The following KIAA1549 variants were observed in gnomAD, a reference collection of about 807,000 sequenced individuals.
The protein encoded by KIAA1549 is KIAA1549.
A neutral mutation model predicts 156.4 loss-of-function variants in KIAA1549; 70 were observed. The ratio of observed to expected loss-of-function variants is 0.45; its 90% CI spans 0.37 to 0.55. The LOEUF is 0.55. Ranked by LOEUF, KIAA1549 falls within the 20% of genes least tolerant of loss-of-function variation. The pLI is 0.00. For synonymous variants in KIAA1549, 1,103 were observed against 1,066.4 expected (o/e 1.03, Z -0.67); for missense variants, 2,428 against 2,540.9 (o/e 0.96, Z 0.96).
At chr7:138,948,609 C>T (rs1005051316) in intron 1 of KIAA1549, among the ~76,000 whole-genome samples, 1 of 151,896 alleles carries the variant, frequency 6.6e-6, no homozygotes, top group Non-Finnish European at 1.5e-5. Flanking sequence ...ATGAGGTTGA[C>T]CTCTCCCTAC....
In KIAA1549 at chr7:138,912,424, G is replaced by A. The variant is rs747771209; in HGVS notation, c.2915C>T (p.Thr972Ile). 1 of 1,613,856 alleles carries A rather than the reference G, an allele frequency of 6.2e-7. No individual in the cohort carries two copies. Among genetic ancestry groups the A allele is most frequent in the Non-Finnish European group, 8.5e-7 (1 of 1,179,846 alleles). The change falls in exon 3 of 20, where the codon ACA becomes ATA. Residue 972 changes from threonine to isoleucine, a missense_variant. Around this residue, in one of 5 missense-constraint regions of KIAA1549, gnomAD observed 762 missense variants for 901.6 expected, o/e 0.85. Transcript: ENST00000422774. ...AATCCTCAGTACTTCTTTGATTGCT[G>A]TAATGATGTACTCCTGCACAGCTCT... The part of the protein sequence containing the change: ...ARRAVQEYII[T>I]AIKEVLRIHF...
intron 18 of KIAA1549, among the ~76,000 whole-genome samples, chr7:138,841,212 G>C (rs1398795731): frequency 2.0e-5 from 3 of 152,100 alleles, no homozygotes; most frequent in Non-Finnish European, 4.4e-5. Context: ...GTGGCTTCGA[G>C]ATTCACAAGG....
Position 138,881,463 on chromosome 7 carries a change from G to A in KIAA1549, c.4154C>T (p.Thr1385Ile), listed in dbSNP as rs377071564. ...CACGTCTCCATTTTCCGAGGGCGTG[G>A]TGTGGTCCTTCAGAGGTCCTGGCAG... ...APLPGPLKDH[T>I]TPSENGDVPS... Residue 1385 changes from threonine to isoleucine, a missense_variant, in exon 11 of 20, where the codon ACC (threonine) becomes ATC (isoleucine). Around this residue, in one of 5 missense-constraint regions of KIAA1549, gnomAD observed 762 missense variants for 901.6 expected, o/e 0.85. Transcript: ENST00000422774. The A allele has an allele frequency of 1.8e-5, 29 of 1,613,922 alleles. No homozygotes were observed. The African/African-American group carries it at 3.9e-4, about 22-fold the overall frequency.
At position 138,917,897 on chromosome 7, in the gene KIAA1549, T is replaced by A; in HGVS notation, c.1729A>T (p.Asn577Tyr). 6.2e-7 allele frequency: 1 copy of A among 1,602,630 alleles called. No homozygotes were observed. Among genetic ancestry groups the A allele is most frequent in the Non-Finnish European group, 8.5e-7 (1 of 1,174,638 alleles). ...DSSFSVIANKNTPSLAVRDPS... is the reference protein window; with the variant it reads ...DSSFSVIANKYTPSLAVRDPS... ...TCTCTGACGGCAAGCGACGGTGTGTTTTTGTTTGCTATGACAGAGAAAGAT... is the reference window on the plus strand; with the variant it reads ...TCTCTGACGGCAAGCGACGGTGTGTATTTGTTTGCTATGACAGAGAAAGAT... The change falls in exon 2 of 20, where the codon AAC becomes TAC. Residue 577 changes from asparagine to tyrosine, a missense_variant. Physicochemically the swap from Asn to Tyr is moderately radical, Grantham distance 143 (BLOSUM62 -2). Transcript: ENST00000422774.
At chr7:138,876,265 T>TA (rs1303438672) in intron 12 of KIAA1549, 2 of 152,256 alleles carry the variant, frequency 1.3e-5, no homozygotes, top group Non-Finnish European at 2.9e-5. Flanking sequence ...AATCATTTTA[T>TA]AAATGGTACA....
intron 1 of KIAA1549, among the ~76,000 whole-genome samples, chr7:138,969,750 G>A (rs1814160378): frequency 2.0e-5 from 3 of 152,102 alleles, no homozygotes; most frequent in Admixed American, 1.3e-4. Context: ...GCACCACCAT[G>A]CCTGACTAAT....
In KIAA1549 at chr7:138,848,526, G is replaced by T. The variant is rs188963608; in HGVS notation, c.5294+3697C>A. Among the ~76,000 whole-genome samples the T allele has an allele frequency of 5.3e-5, 8 of 152,262 alleles. No individual in the cohort carries two copies. In the South Asian group the frequency reaches 1.0e-3, roughly 20 times the overall value. On this transcript the variant is annotated intron_variant, in intron 17 of 19. Coordinates refer to ENST00000422774, the MANE Select transcript of KIAA1549 (RefSeq NM_001164665.2). Reference sequence around the variant, plus strand: ...TGCTGGAAAGAAATCCAATGTGGTTGTAATATGAGATCCTTTTGTGTCTAC... The same window carrying T: ...TGCTGGAAAGAAATCCAATGTGGTTTTAATATGAGATCCTTTTGTGTCTAC...
At chr7:138,936,407 C>T (rs989173538) in intron 1 of KIAA1549, among the ~76,000 whole-genome samples, 3 of 152,148 alleles carry the variant, frequency 2.0e-5, no homozygotes, top group Non-Finnish European at 4.4e-5. Flanking sequence ...TCCTTCCCAC[C>T]GCCACCAATT....
At chr7:138,900,323 T>C (rs895824463) in intron 8 of KIAA1549, among the ~76,000 whole-genome samples, 7 of 152,206 alleles carry the variant, frequency 4.6e-5, no homozygotes, top group African/African-American at 1.7e-4. Context: ...ACTCCCTCCC[T>C]GACAACGGTA....
intron 19 of KIAA1549, among the ~76,000 whole-genome samples, chr7:138,839,463 T>C (rs1273698562): frequency 6.6e-6 from 1 of 152,122 alleles, no homozygotes; most frequent in African/African-American, 2.4e-5. Context: ...CAAAATTACC[T>C]ACACATGGTC....
At chr7:138,969,838 C>A (rs1814164432) in intron 1 of KIAA1549, among the ~76,000 whole-genome samples, 1 of 152,162 alleles carries the variant, frequency 6.6e-6, no homozygotes, top group African/African-American at 2.4e-5. Flanking sequence ...GGTGATCTGA[C>A]CACCTCAGCC....
At position 138,871,372 on chromosome 7, in the gene KIAA1549, A is replaced by C; in HGVS notation, c.4346-10T>G. 1 of 1,504,452 alleles carries C rather than the reference A, an allele frequency of 6.6e-7. No homozygotes were observed. The highest frequency in any genetic ancestry group is 8.9e-7 in the Non-Finnish European group (1 of 1,128,412). The allele number at this position is 1,504,452 out of a possible 1,614,324, so 93.2% of individuals were successfully genotyped here. On this transcript the variant is annotated splice_polypyrimidine_tract_variant and intron_variant, in intron 12 of 19. Coordinates refer to ENST00000422774, the MANE Select transcript of KIAA1549 (RefSeq NM_001164665.2). ...CTGGGCAGTGGTGGCCCTGGAACAG[A>C]AGGAAAAGCAAAACACATACACGAA... is the stretch of plus-strand genomic sequence containing the variant.
rs1046103177 is a variant in KIAA1549, at chr7:138,919,442, T to C, written c.188-4A>G. 1 of 1,610,446 alleles carries C rather than the reference T, an allele frequency of 6.2e-7. No individual in the cohort carries two copies. The highest frequency in any genetic ancestry group is 8.5e-7 in the Non-Finnish European group (1 of 1,177,956). On this transcript the variant is annotated splice_region_variant and splice_polypyrimidine_tract_variant and intron_variant, in intron 1 of 19. Transcript: ENST00000422774. ...TGCTGTTCCGGAGAGAGCTCATCTA[T>C]CAAGAAAATCAGAGCTGGGTTAGTG...
chr7:138,917,714 T>C lies in KIAA1549; in HGVS notation c.1912A>G (p.Ile638Val), dbSNP rs367951483. ...GCAGGTGCTTCCGAAGGCGAAGAGA[T>C]GGAGCCGCTGAGTTCCAGCGGGGGT... ...STPPLELSGS[I>V]SSPSEAPASL... The change falls in exon 2 of 20, where the codon ATC (isoleucine) becomes GTC (valine). Residue 638 changes from isoleucine (I) to valine (V), a missense_variant. Transcript: ENST00000422774. The C allele has an allele frequency of 3.1e-6, 5 of 1,599,038 alleles. No individual in the cohort carries two copies. In the African/African-American group the frequency reaches 5.4e-5, roughly 17 times the overall value.
rs140319034 is a variant in KIAA1549, at chr7:138,896,044, T to C, written c.3848-1518A>G. 2.0e-3 allele frequency among the ~76,000 whole-genome samples: 290 copies of C among 144,248 alleles called. 1 individual carries two copies. The highest frequency in any genetic ancestry group is 7.0e-3 in the African/African-American group (277 of 39,596). 94.6% of individuals were successfully genotyped at this position (144,248 alleles called of 152,430 possible). A position where few individuals can be genotyped will look rare whatever the true frequency, so the allele number is the denominator to read the frequency against. On this transcript the variant is annotated intron_variant, in intron 9 of 19. Transcript: ENST00000422774. ...TCAACTCCTCGGCCACTTCATGTCC[T>C]TCACTAGCTCTTTGTTTTGCACATG...
At position 138,929,881 on chromosome 7, in the gene KIAA1549, G is replaced by A. The variant is rs534831377; in HGVS notation, c.188-10443C>T. Among the ~76,000 whole-genome samples, 6 of 152,262 alleles carry A rather than the reference G, an allele frequency of 3.9e-5. No homozygotes were observed. In the South Asian group the frequency reaches 1.2e-3, roughly 32 times the overall value. On this transcript the variant is annotated intron_variant, in intron 1 of 19. Transcript: ENST00000422774. ...ATTTATTTTATCTTTCTTTTGTAGA[G>A]ATAAGGTCTCACTATGTTGCCCAGG...
intron 1 of KIAA1549, among the ~76,000 whole-genome samples, chr7:138,930,095 T>C (rs1180585129): frequency 2.0e-5 from 3 of 152,232 alleles, no homozygotes; most frequent in Non-Finnish European, 4.4e-5. Flanking sequence ...TTATCCATCT[T>C]GATAAGAGTT....
At chr7:138,839,891 G>A (rs1299897054) in intron 19 of KIAA1549, among the ~76,000 whole-genome samples, 1 of 144,396 alleles carries the variant, frequency 6.9e-6, no homozygotes, top group African/African-American at 2.6e-5. Flanking sequence ...GGGTTCAAGT[G>A]ATTCTCTTGC....
chr7:138,971,358 G>C (rs1339066293), intron 1 of KIAA1549, among the ~76,000 whole-genome samples: 1 of 152,036 alleles, frequency 6.6e-6, no homozygotes, highest in Non-Finnish European at 1.5e-5. Context: ...CCCCAGACAA[G>C]CCACCTGTTT....
Sources: allele counts gnomAD v4.1 joint callset (sites outside exome capture counted in the v4.1 genomes callset), GRCh38; gene constraint gnomAD v4.1.1; regional missense constraint gnomAD v4.1.1; transcripts MANE v1.5; gene names NCBI Gene and HGNC (gene_info 2026-07-23, HGNC 2026-07-21).